TCF12: variants seen among roughly 807,000 people sequenced by gnomAD.
TCF12 encodes the protein DNA-binding protein HTF4.
Under a neutral mutation model 86.0 loss-of-function variants are expected in TCF12, and 45 were observed. The ratio of observed to expected loss-of-function variants is 0.52; its 90% CI spans 0.41 to 0.67. TCF12 has a LOEUF of 0.67. TCF12 is among the 30% of genes least tolerant of loss of function. The pLI is 0.00. For missense variants in TCF12, 881 were observed against 859.9 expected, an observed-to-expected ratio of 1.02 and a Z score of -0.31; for synonymous variants, 330 against 299.6, an observed-to-expected ratio of 1.10 and a Z score of -1.05.
At chr15:57,005,562 A>C (rs1240850971) in intron 3 of TCF12, among the ~76,000 whole-genome samples, 3 of 152,022 alleles carry the variant, frequency 2.0e-5, no homozygotes, top group African/African-American at 7.2e-5. Context: ...AATGTATTTT[A>C]ATTTTTGTTT....
intron 13 of TCF12, among the ~76,000 whole-genome samples, chr15:57,244,410 ACT>A (rs1278303550): frequency 6.6e-6 from 1 of 152,026 alleles, no homozygotes; most frequent in African/African-American, 2.4e-5. Flanking sequence ...GAGGAAAAAA[ACT>A]CTCTGTGAAG....
chr15:57,083,100 G>A (rs2048413676), intron 4 of TCF12, among the ~76,000 whole-genome samples: 1 of 152,142 alleles, frequency 6.6e-6, no homozygotes, highest in African/African-American at 2.4e-5. Context: ...ATATCATTTA[G>A]ATAATAATAT....
rs74501361 is a variant in TCF12, at chr15:56,997,774, T to G, written c.149-65976T>G. 9.4e-3 allele frequency among the ~76,000 whole-genome samples: 1,432 copies of G among 152,316 alleles called. 11 individuals are homozygous for G. The highest frequency in any genetic ancestry group is 0.015 in the Non-Finnish European group (988 of 68,020). On this transcript the variant is annotated intron_variant, in intron 3 of 20. Transcript: ENST00000333725. ...TGCTGTAAACAAATCAATTAAAAGT[T>G]TGTCAAGAGTCCATAGAAAAAACCC...
intron 6 of TCF12, among the ~76,000 whole-genome samples, chr15:57,180,795 T>G (rs547108752): frequency 5.9e-4 from 87 of 147,528 alleles, no homozygotes; most frequent in African/African-American, 2.1e-3. Context: ...AATCATAAAA[T>G]GATGCTAATA....
At chr15:56,969,954 G>T (rs1469570829) in intron 3 of TCF12, among the ~76,000 whole-genome samples, 1 of 152,200 alleles carries the variant, frequency 6.6e-6, no homozygotes, top group Non-Finnish European at 1.5e-5. Context: ...CTAATTAATG[G>T]TGGCTGTGTG....
chr15:57,012,669 T>C (rs558678014), intron 3 of TCF12, among the ~76,000 whole-genome samples: 1 of 152,174 alleles, frequency 6.6e-6, no homozygotes, highest in Non-Finnish European at 1.5e-5. Context: ...CATCCTCGAC[T>C]AAGTCCTCAG....
chr15:57,154,835 A>C (rs1050240502), intron 5 of TCF12, among the ~76,000 whole-genome samples: 4 of 152,198 alleles, frequency 2.6e-5, no homozygotes, highest in African/African-American at 9.7e-5. Flanking sequence ...GTCCTTAAGC[A>C]TGAATATTTA....
chr15:57,064,795 C>CAAAAAAAAAAAAAAAAAAAAAA (rs1177544594), intron 4 of TCF12, among the ~76,000 whole-genome samples: 9 of 78,048 alleles, frequency 1.2e-4, no homozygotes, highest in South Asian at 4.6e-4. Context: ...GACTCCATCT[C>CAAAAAAAAAAAAAAAAAAAAAA]AAAAAAAAAA....
chr15:57,071,054 A>C (rs2069330684), intron 4 of TCF12, among the ~76,000 whole-genome samples: 1 of 152,154 alleles, frequency 6.6e-6, no homozygotes, highest in Admixed American at 6.5e-5. Flanking sequence ...AAGGTGAATA[A>C]ATGTGTATCT....
At chr15:57,253,565 A>AG in intron 16 of TCF12, 97 bp downstream of exon 16, 1 of 1,404,550 alleles carries the variant, frequency 7.1e-7, no homozygotes, top group South Asian at 1.3e-5. Flanking sequence ...TCTGAAAGGA[A>AG]GGCAAAGACT....
At chr15:57,134,845 A>G (rs1432190550) in intron 5 of TCF12, among the ~76,000 whole-genome samples, 7 of 151,828 alleles carry the variant, frequency 4.6e-5, no homozygotes, top group Admixed American at 3.9e-4. Flanking sequence ...TTGCTTAGGG[A>G]AAAAAATCTA....
intron 5 of TCF12, among the ~76,000 whole-genome samples, chr15:57,093,942 G>A (rs2049154079): frequency 1.3e-5 from 2 of 152,088 alleles, no homozygotes; most frequent in African/African-American, 2.4e-5. Flanking sequence ...TTGAGACAGG[G>A]TCTCACTTTG....
intron 3 of TCF12, among the ~76,000 whole-genome samples, chr15:56,945,636 A>G (rs1452212964): frequency 6.6e-6 from 1 of 151,940 alleles, no homozygotes; most frequent in East Asian, 1.9e-4. Context: ...TTTTCTATAT[A>G]ATATTTTTCC....
chr15:57,017,337 A>G (rs1170393869), intron 3 of TCF12, among the ~76,000 whole-genome samples: 1 of 152,274 alleles, frequency 6.6e-6, no homozygotes, highest in African/African-American at 2.4e-5. Flanking sequence ...GAGAGTCACA[A>G]GTTATCGCCC....
At chr15:57,024,477 G>A (rs2065700521) in intron 3 of TCF12, among the ~76,000 whole-genome samples, 1 of 151,988 alleles carries the variant, frequency 6.6e-6, no homozygotes, top group Admixed American at 6.6e-5. Flanking sequence ...GCCTCCCAAA[G>A]TGCTGGGATT....
chr15:57,210,691 A>C (rs781053125), intron 8 of TCF12, among the ~76,000 whole-genome samples: 1 of 152,134 alleles, frequency 6.6e-6, no homozygotes, highest in Non-Finnish European at 1.5e-5. Context: ...TTATATAACA[A>C]CCATTTCAGT....
At chr15:57,290,210 G>A (rs190642218), downstream of TCF12, among the ~76,000 whole-genome samples, 112 of 152,166 alleles carry the variant, frequency 7.4e-4, no homozygotes, top group Non-Finnish European at 1.8e-4. Context: ...AGCTATGGTG[G>A]CAGGTGCCTG....
At position 57,091,906 on chromosome 15, in the gene TCF12, C is replaced by G. The variant is rs1453580904; in HGVS notation, c.325+15C>G. The G allele has an allele frequency of 6.2e-7, 1 of 1,600,454 alleles. No homozygotes were observed. Among genetic ancestry groups the G allele is most frequent in the African/African-American group, 1.3e-5 (1 of 74,552 alleles). On this transcript the variant is annotated intron_variant, in intron 5 of 20. Transcript: ENST00000333725. ...AAATCTGATGGGTAAGTTGGTAATT[C>G]TCTGCAAGTAGTCTTCTCAAAGCTT...
At chr15:56,932,296 G>T (rs563849280) in intron 3 of TCF12, among the ~76,000 whole-genome samples, 20 of 152,270 alleles carry the variant, frequency 1.3e-4, no homozygotes, top group African/African-American at 4.8e-4. Flanking sequence ...AGGAAATAGA[G>T]AAATCAACAG....
Sources: gnomAD v4.1 joint callset for allele counts (sites outside exome capture counted in the v4.1 genomes callset) on GRCh38, gnomAD v4.1.1 for gene constraint, MANE v1.5 for transcripts, NCBI Gene and HGNC (gene_info 2026-07-23, HGNC 2026-07-21) for gene names.